Variants in OR2A12 observed in about 807,000 individuals in gnomAD.
OR2A12 encodes olfactory receptor 2A12.
For synonymous variants in OR2A12, 153 were observed against 149.3 expected, an observed-to-expected ratio of 1.02 and a Z score of -0.18; for missense variants, 380 against 372.5, an observed-to-expected ratio of 1.02 and a Z score of -0.17.
chr7:144,090,055 T>G (rs2051217086), intron 1 of OR2A12, among the ~76,000 whole-genome samples: 1 of 152,180 alleles, frequency 6.6e-6, no homozygotes, highest in African/African-American at 2.4e-5. Flanking sequence ...TCAAGAGAGT[T>G]ACTGCAGATA....
rs1176095183 is a variant in OR2A12 at position 144,098,536 on chromosome 7, C to A, written c.*2496C>A. 1 of 152,070 alleles carries A rather than the reference C, an allele frequency of 6.6e-6. No individual in the cohort carries two copies. Among genetic ancestry groups the A allele is most frequent in the Non-Finnish European group, 1.5e-5 (1 of 68,000 alleles). The allele number at this position is 152,070 out of a possible 1,614,324, so 9.4% of individuals were successfully genotyped here. A position where few individuals can be genotyped will look rare whatever the true frequency, so the allele number is the denominator to read the frequency against. On this transcript the variant is annotated 3_prime_UTR_variant, in exon 2 of 2. Coordinates refer to ENST00000641592, the MANE Select transcript of OR2A12 (RefSeq NM_001004135.2). The stretch of plus-strand genomic sequence containing the variant: ...AGGAACACAGAGGTTGAGTAACTTA[C>A]CCTGAGTCATTGAGTTAGCATAATC...
At chr7:144,092,623 T>A (rs1481916945) in intron 1 of OR2A12, among the ~76,000 whole-genome samples, 1 of 152,176 alleles carries the variant, frequency 6.6e-6, no homozygotes, top group Non-Finnish European at 1.5e-5. Context: ...GCATTCCCGA[T>A]TTGGCTCTTG....
At chr7:144,087,159 T>A (rs1192208077) in intron 1 of OR2A12, among the ~76,000 whole-genome samples, 1 of 152,208 alleles carries the variant, frequency 6.6e-6, no homozygotes, top group Non-Finnish European at 1.5e-5. Context: ...TCCTGTGATT[T>A]CTTCATTTCT....
intron 1 of OR2A12, among the ~76,000 whole-genome samples, chr7:144,091,217 C>G (rs528100848): frequency 1.1e-4 from 17 of 152,184 alleles, no homozygotes; most frequent in African/African-American, 3.9e-4. Flanking sequence ...ATGGTGAAAC[C>G]CTGTTTCTAC....
Position 144,095,907 on chromosome 7 carries a change from A to C in OR2A12, c.800A>C (p.Gln267Pro), listed in dbSNP as rs1168834906. Residue 267 changes from glutamine (Q) to proline (P), a missense_variant, in exon 2 of 2, where the codon CAA becomes CCA. Coordinates refer to ENST00000641592, the MANE Select transcript of OR2A12 (RefSeq NM_001004135.2). ...ATGGCCCCCAAGTCAAGCCATTCTC[A>C]AGAACGGAGGAAGATCCTTTCCCTG... ...MYMAPKSSHS[Q>P]ERRKILSLFY... is the part of the protein sequence containing the mutation. The C allele has an allele frequency of 1.2e-6, 2 of 1,614,024 alleles. No homozygotes were observed. Among genetic ancestry groups the C allele is most frequent in the Non-Finnish European group, 1.7e-6 (2 of 1,180,002 alleles).
chr7:144,089,485 A>G lies in OR2A12; in HGVS notation c.-52+2942A>G, dbSNP rs552915140. Among the ~76,000 whole-genome samples, 6 of 152,230 alleles carry G rather than the reference A, an allele frequency of 3.9e-5. No individual in the cohort carries two copies. In the South Asian group the frequency reaches 1.2e-3, roughly 32 times the overall value. ...CTAACTCTGTCTTTTAATGCCCTAT[A>G]AGTACATATAATGTGATAATTTATA... On this transcript the variant is annotated intron_variant, in intron 1 of 1. Coordinates refer to ENST00000641592, the MANE Select transcript of OR2A12 (RefSeq NM_001004135.2).
In OR2A12 at chr7:144,095,604, CT is replaced by C. The variant is rs777563937; in HGVS notation, c.502del (p.Cys168ValfsTer39). 3 of 1,614,068 alleles carry C rather than the reference CT, an allele frequency of 1.9e-6. No individual in the cohort carries two copies. The highest frequency in any genetic ancestry group is 2.5e-6 in the Non-Finnish European group (3 of 1,180,004). ...LVHITLILRL[P>X]FCGPQKINHF... Reference sequence around the variant, plus strand: ...CATATTACTCTTATTCTGAGGCTGCCTTTTTGTGGCCCACAAAAGATCAACC... The same window carrying C: ...CATATTACTCTTATTCTGAGGCTGCCTTTTGTGGCCCACAAAAGATCAACC... On this transcript the variant is annotated frameshift_variant, in exon 2 of 2. Transcript: ENST00000641592. LOFTEE classifies it low-confidence loss of function (END_TRUNC).
intron 1 of OR2A12, among the ~76,000 whole-genome samples, chr7:144,091,506 G>A (rs903345120): frequency 2.0e-5 from 3 of 152,210 alleles, no homozygotes; most frequent in Non-Finnish European, 4.4e-5. Context: ...TTTTCTCTCT[G>A]CAGCCTTGCC....
Position 144,095,894 on chromosome 7 carries a change from T to C in OR2A12, c.787T>C (p.Ser263Pro), listed in dbSNP as rs913961657. The change falls in exon 2 of 2, where the codon TCA becomes CCA. Residue 263 changes from serine to proline, a missense_variant. Transcript: ENST00000641592. ...SAIVMYMAPK[S>P]SHSQERRKIL... ...CATTGTCATGTACATGGCCCCCAAG[T>C]CAAGCCATTCTCAAGAACGGAGGAA... 85 of 1,613,962 alleles carry C rather than the reference T, an allele frequency of 5.3e-5. No individual in the cohort carries two copies. The highest frequency in any genetic ancestry group is 7.0e-5 in the Non-Finnish European group (83 of 1,180,018).
rs1458769791 is a variant in OR2A12 at position 144,095,798 on chromosome 7, G to A, written c.691G>A (p.Glu231Lys). ...GGCCATCTTGAGGATCCAGTCTGGG[G>A]AGGGCCGCAGAAAGGCCTTCTCTAC... is the stretch of plus-strand genomic sequence containing the variant. ...LVAILRIQSG[E>K]GRRKAFSTCS... The change falls in exon 2 of 2, where the codon GAG becomes AAG. Residue 231 changes from glutamate to lysine, a missense_variant. Physicochemically the swap from Glu to Lys is moderately conservative, Grantham distance 56. Transcript: ENST00000641592. 1 of 1,614,106 alleles carries A rather than the reference G, an allele frequency of 6.2e-7. No individual in the cohort carries two copies. The highest frequency in any genetic ancestry group is 8.5e-7 in the Non-Finnish European group (1 of 1,180,030).
At chr7:144,093,510 G>A (rs935083833) in intron 1 of OR2A12, among the ~76,000 whole-genome samples, 1 of 151,510 alleles carries the variant, frequency 6.6e-6, no homozygotes, top group Non-Finnish European at 1.5e-5. Context: ...TAAGTTTTAG[G>A]GTACATGTGC....
At position 144,086,887 on chromosome 7, in the gene OR2A12, C is replaced by T. The variant is rs555868815; in HGVS notation, c.-52+344C>T. On this transcript the variant is annotated intron_variant, in intron 1 of 1. Transcript: ENST00000641592. Reference sequence around the variant, plus strand: ...ATGGAGGAAAAAAAGAGAGAGCGAGCGAGAACACCTTCACGGAGACCCCTT... The same window carrying T: ...ATGGAGGAAAAAAAGAGAGAGCGAGTGAGAACACCTTCACGGAGACCCCTT... Among the ~76,000 whole-genome samples, 8 of 152,200 alleles carry T rather than the reference C, an allele frequency of 5.3e-5. No homozygotes were observed. In the South Asian group the frequency reaches 6.2e-4, roughly 12 times the overall value.
intron 1 of OR2A12, among the ~76,000 whole-genome samples, chr7:144,088,275 G>C (rs1270333543): frequency 6.6e-6 from 1 of 152,170 alleles, no homozygotes; most frequent in Non-Finnish European, 1.5e-5. Flanking sequence ...GCCTCCCAAA[G>C]TGCTGGGATT....
chr7:144,093,706 C>T (rs955727306), intron 1 of OR2A12, among the ~76,000 whole-genome samples: 3 of 150,104 alleles, frequency 2.0e-5, no homozygotes, highest in Non-Finnish European at 4.4e-5. Context: ...CATTTCCCAC[C>T]TATGAGTGAG....
chr7:144,095,015 T>G, intron 1 of OR2A12, 42 bp from the exon 2 acceptor site: 1 of 833,416 alleles, frequency 1.2e-6, no homozygotes, highest in Non-Finnish European at 1.9e-6. Context: ...TGGCATAAAA[T>G]TCATGCTCTA....
chr7:144,089,518 A>G (rs1393321605), intron 1 of OR2A12, among the ~76,000 whole-genome samples: 2 of 152,128 alleles, frequency 1.3e-5, no homozygotes, highest in African/African-American at 4.8e-5. Flanking sequence ...ATATACACAG[A>G]CTTATTTATA....
rs1312610143 is a variant in OR2A12, at chr7:144,095,962, C to A, written c.855C>A (p.Asn285Lys). 1 of 1,614,048 alleles carries A rather than the reference C, an allele frequency of 6.2e-7. No homozygotes were observed. The highest frequency in any genetic ancestry group is 2.2e-5 in the East Asian group (1 of 44,870). The change falls in exon 2 of 2, where the codon AAC becomes AAA. Residue 285 changes from asparagine (N) to lysine (K), a missense_variant. Transcript: ENST00000641592. ...ACAGCCTTTTCAACCCGATCCTGAACCCCCTCATCTACAGCCTTAGGAATG... is the reference window on the plus strand; with the variant it reads ...ACAGCCTTTTCAACCCGATCCTGAAACCCCTCATCTACAGCCTTAGGAATG... ...LFYSLFNPIL[N>K]PLIYSLRNAE...
intron 1 of OR2A12, among the ~76,000 whole-genome samples, chr7:144,092,748 T>C (rs528844294): frequency 6.6e-6 from 1 of 152,148 alleles, no homozygotes; most frequent in South Asian, 2.1e-4. Flanking sequence ...AATTTTGCAG[T>C]CCTTTAGTCT....
At chr7:144,087,424 T>C (rs1407998858) in intron 1 of OR2A12, among the ~76,000 whole-genome samples, 1 of 152,202 alleles carries the variant, frequency 6.6e-6, no homozygotes, top group African/African-American at 2.4e-5. Context: ...GGAAACCCTT[T>C]ATCAGATCCT....
Sources: allele counts gnomAD v4.1 joint callset (sites outside exome capture counted in the v4.1 genomes callset), GRCh38; gene constraint gnomAD v4.1.1; transcripts MANE v1.5; gene names NCBI Gene and HGNC (gene_info 2026-07-23, HGNC 2026-07-21).